DBNL: variants seen among roughly 807,000 people sequenced by gnomAD.
DBNL encodes the protein drebrin like.
Under a neutral mutation model 62.2 loss-of-function variants are expected in DBNL, and 35 were observed. The observed-to-expected ratio is 0.56, with a 90% CI of 0.43 to 0.75. DBNL has a LOEUF of 0.75. Among genes scored for constraint, DBNL ranks in the 30% least tolerant of loss-of-function variants. The pLI is 0.00. For synonymous variants in DBNL, 197 were observed against 218.0 expected (o/e 0.90, Z 0.85); for missense variants, 495 against 578.4 (o/e 0.86, Z 1.48).
In DBNL at chr7:44,064,872, G is replaced by A; in HGVS notation, c.*3956G>A. On this transcript the variant is annotated 3_prime_UTR_variant, in exon 13 of 13. Coordinates refer to ENST00000448521, the MANE Select transcript of DBNL (RefSeq NM_001014436.3). ...CAATGCCCCGCAGGCTGTTCCCGTG[G>A]GCTGCAATGAGCACTCGCTTGCCGG... 6.2e-7 allele frequency: 1 copy of A among 1,611,318 alleles called. No homozygotes were observed.
chr7:44,058,835 G>T (rs761420006), intron 8 of DBNL, 67 bp from the exon 9 acceptor site: 7 of 1,590,410 alleles, frequency 4.4e-6, no homozygotes, highest in African/African-American at 1.3e-5. Flanking sequence ...AGCTGGAGGG[G>T]CTGTGATCTG....
chr7:44,054,230 T>G (rs1342271324), intron 4 of DBNL, among the ~76,000 whole-genome samples: 1 of 152,158 alleles, frequency 6.6e-6, no homozygotes, highest in Non-Finnish European at 1.5e-5. Flanking sequence ...TCTCACTCTG[T>G]CACCCAGGCT....
At position 44,066,702 on chromosome 7, in the gene DBNL, T is replaced by A; in HGVS notation, c.*5786T>A. ...CCTGCTGGCCTACCTGGGGAGGGGCTCCTGGCTTGGGGCCTGTGAAGCTAA... is the reference window on the plus strand; with the variant it reads ...CCTGCTGGCCTACCTGGGGAGGGGCACCTGGCTTGGGGCCTGTGAAGCTAA... On this transcript the variant is annotated 3_prime_UTR_variant, in exon 13 of 13. Transcript: ENST00000448521. The A allele has an allele frequency of 6.6e-6, 1 of 152,638 alleles. No individual in the cohort carries two copies. Among genetic ancestry groups the A allele is most frequent in the Non-Finnish European group, 1.5e-5 (1 of 68,188 alleles). 9.5% of individuals were successfully genotyped at this position (152,638 alleles called of 1,614,324 possible). A position where few individuals can be genotyped will look rare whatever the true frequency, so the allele number is the denominator to read the frequency against.
At position 44,064,758 on chromosome 7, in the gene DBNL, G is replaced by T; in HGVS notation, c.*3842G>T. On this transcript the variant is annotated 3_prime_UTR_variant, in exon 13 of 13. Coordinates refer to ENST00000448521, the MANE Select transcript of DBNL (RefSeq NM_001014436.3). ...TAGAAAGCCTGGTCCATGGGCGAGA[G>T]ACTTTGCTGAGATGAGAAGCCAGCT... 2 of 1,328,918 alleles carry T rather than the reference G, an allele frequency of 1.5e-6. No homozygotes were observed. The highest frequency in any genetic ancestry group is 1.0e-6 in the Non-Finnish European group (1 of 956,246). The allele number at this position is 1,328,918 out of a possible 1,614,324, so 82.3% of individuals were successfully genotyped here.
At position 44,061,018 on chromosome 7, in the gene DBNL, C is replaced by G; in HGVS notation, c.*102C>G. The G allele has an allele frequency of 5.5e-6, 8 of 1,458,012 alleles. No homozygotes were observed. The highest frequency in any genetic ancestry group is 7.3e-6 in the Non-Finnish European group (8 of 1,095,516). 90.3% of individuals were successfully genotyped at this position (1,458,012 alleles called of 1,614,324 possible). On this transcript the variant is annotated 3_prime_UTR_variant, in exon 13 of 13. Transcript: ENST00000448521. The stretch of plus-strand genomic sequence containing the variant: ...ATTCAGCACTCTTCCAGGAATAGGA[C>G]CCCCAGTGAGGATGAGGCCTCAGGG...
Position 44,067,485 on chromosome 7 carries a change from G to A in DBNL, c.*6569G>A, listed in dbSNP as rs560215721. The A allele has an allele frequency of 3.9e-5, 6 of 152,348 alleles. No individual in the cohort carries two copies. The East Asian group carries it at 9.6e-4, about 24-fold the overall frequency. 9.4% of individuals were successfully genotyped at this position (152,348 alleles called of 1,614,324 possible). A position where few individuals can be genotyped will look rare whatever the true frequency, so the allele number is the denominator to read the frequency against. ...GGAGACCTCACTGCCAACCAAGCAG[G>A]AGGTGTCAAAAAGGAAAGGGGAGCC... On this transcript the variant is annotated 3_prime_UTR_variant, in exon 13 of 13. Transcript: ENST00000448521.
At position 44,064,916 on chromosome 7, in the gene DBNL, T is replaced by C. The variant is rs372452057; in HGVS notation, c.*4000T>C. The C allele has an allele frequency of 8.3e-5, 134 of 1,609,044 alleles. No individual in the cohort carries two copies. The Admixed American group carries it at 2.2e-3, about 27-fold the overall frequency. Reference sequence around the variant, plus strand: ...TTGCCGGCCTTGATCTGGGGAACAATCTCCTCGTTCCAGAAGGGCAGGGCC... The same window carrying C: ...TTGCCGGCCTTGATCTGGGGAACAACCTCCTCGTTCCAGAAGGGCAGGGCC... On this transcript the variant is annotated 3_prime_UTR_variant, in exon 13 of 13. Transcript: ENST00000448521.
Position 44,067,024 on chromosome 7 carries a change from A to T in DBNL, c.*6108A>T, listed in dbSNP as rs939895333. The T allele has an allele frequency of 3.3e-5, 5 of 152,520 alleles. No homozygotes were observed. Among genetic ancestry groups the T allele is most frequent in the Non-Finnish European group, 5.9e-5 (4 of 68,208 alleles). 9.4% of individuals were successfully genotyped at this position (152,520 alleles called of 1,614,324 possible). A position where few individuals can be genotyped will look rare whatever the true frequency, so the allele number is the denominator to read the frequency against. On this transcript the variant is annotated 3_prime_UTR_variant, in exon 13 of 13. Transcript: ENST00000448521. ...GGAGGGATCGTACCAGCAGCTAAAC[A>T]TGCCTACCGTAGATAGCACCAGATG... is the stretch of plus-strand genomic sequence containing the variant.
Position 44,062,324 on chromosome 7 carries a change from G to A in DBNL, c.*1408G>A, listed in dbSNP as rs1038787804. Reference sequence around the variant, plus strand: ...TGCCTGTCCCAACCCAAGAGGCAGGGCTCAAAGTGCCACCCGGGGGTTGCA... The same window carrying A: ...TGCCTGTCCCAACCCAAGAGGCAGGACTCAAAGTGCCACCCGGGGGTTGCA... On this transcript the variant is annotated 3_prime_UTR_variant, in exon 13 of 13. Coordinates refer to ENST00000448521, the MANE Select transcript of DBNL (RefSeq NM_001014436.3). 8.9e-6 allele frequency: 2 copies of A among 225,538 alleles called. No individual in the cohort carries two copies. The highest frequency in any genetic ancestry group is 1.0e-4 in the East Asian group (1 of 9,618). The allele number at this position is 225,538 out of a possible 1,614,324, so 14.0% of individuals were successfully genotyped here.
chr7:44,050,311 A>G, intron 2 of DBNL, 31 bp downstream of exon 2: 2 of 1,612,428 alleles, frequency 1.2e-6, no homozygotes, highest in Non-Finnish European at 1.7e-6. Context: ...ACTCAGGGAC[A>G]CCAGGAGGTA....
chr7:44,046,395 A>C (rs913916659), intron 1 of DBNL, among the ~76,000 whole-genome samples: 2 of 152,144 alleles, frequency 1.3e-5, no homozygotes, highest in Non-Finnish European at 2.9e-5. Context: ...GATGCCTCCC[A>C]GCCCACCTGG....
At chr7:44,049,967 T>C (rs1366786842) in intron 1 of DBNL, 1 of 447,294 alleles carries the variant, frequency 2.2e-6, no homozygotes, top group Non-Finnish European at 4.2e-6. Context: ...CCCATCTCCA[T>C]GGCTTTGTCC....
At position 44,059,114 on chromosome 7, in the gene DBNL, C is replaced by T; in HGVS notation, c.835+131C>T. The T allele has an allele frequency of 9.4e-7, 1 of 1,061,436 alleles. No individual in the cohort carries two copies. Among genetic ancestry groups the T allele is most frequent in the Non-Finnish European group, 1.4e-6 (1 of 729,316 alleles). 65.8% of individuals were successfully genotyped at this position (1,061,436 alleles called of 1,614,324 possible). On this transcript the variant is annotated intron_variant, in intron 9 of 12. Transcript: ENST00000448521. This position sits in a 1 kb window ranked among gnomAD's most constrained non-coding sequence, Gnocchi z 4.1. ...GGTGAGTGAGTGAGGAGAAGGGACACCTGGGGCCATTGACCTCATCAGTGA... is the reference window on the plus strand; with the variant it reads ...GGTGAGTGAGTGAGGAGAAGGGACATCTGGGGCCATTGACCTCATCAGTGA...
In DBNL at chr7:44,060,033, G is replaced by C; in HGVS notation, c.1048-15G>C. The C allele has an allele frequency of 6.2e-7, 1 of 1,610,490 alleles. No individual in the cohort carries two copies. The highest frequency in any genetic ancestry group is 8.5e-7 in the Non-Finnish European group (1 of 1,177,510). ...GGGCTGAGTCTGGGGTAACACCTTT[G>C]TCATCCCTGGGCAGGTGCAGCAGCA... On this transcript the variant is annotated splice_polypyrimidine_tract_variant and intron_variant, in intron 11 of 12. Transcript: ENST00000448521. This position sits in a 1 kb window ranked among gnomAD's most constrained non-coding sequence, Gnocchi z 6.3.
In DBNL at chr7:44,060,622, G is replaced by A. The variant is rs982594698; in HGVS notation, c.1154-155G>A. On this transcript the variant is annotated intron_variant, in intron 12 of 12. Coordinates refer to ENST00000448521, the MANE Select transcript of DBNL (RefSeq NM_001014436.3). The surrounding 1 kb of genome is among the most constrained non-coding windows in gnomAD (Gnocchi z 6.3). The stretch of plus-strand genomic sequence containing the variant: ...CCGCATTGGGACAGGGTGCAGTGTT[G>A]GCCAAGGCTTAGCAGGGTGGCAGGG... 3.3e-5 allele frequency among the ~76,000 whole-genome samples: 5 copies of A among 152,224 alleles called. No individual in the cohort carries two copies. Among genetic ancestry groups the A allele is most frequent in the African/African-American group, 1.2e-4 (5 of 41,540 alleles).
rs147270019 is a variant in DBNL at position 44,059,568 on chromosome 7, C to T, written c.957C>T (p.Pro319=). Residue 319 remains proline (P), a synonymous_variant, in exon 11 of 13, where the codon CCC becomes CCT. Coordinates refer to ENST00000448521, the MANE Select transcript of DBNL (RefSeq NM_001014436.3). The surrounding 1 kb of genome is among the most constrained non-coding windows in gnomAD (Gnocchi z 4.1). ...RADLPAEEPA[P]STPPCLVQAE... Reference sequence around the variant, plus strand: ...ATCTCCCTGCTGAGGAGCCGGCGCCCAGCACTCCTCCATGTCTGGTGCAGG... The same window carrying T: ...ATCTCCCTGCTGAGGAGCCGGCGCCTAGCACTCCTCCATGTCTGGTGCAGG... The T allele has an allele frequency of 9.2e-4, 1,484 of 1,612,614 alleles. 1 individual carries two copies. The highest frequency in any genetic ancestry group is 2.9e-3 in the Admixed American group (171 of 59,970).
rs981453990 is a variant in DBNL at position 44,066,161 on chromosome 7, C to T, written c.*5245C>T. On this transcript the variant is annotated 3_prime_UTR_variant, in exon 13 of 13. Coordinates refer to ENST00000448521, the MANE Select transcript of DBNL (RefSeq NM_001014436.3). The stretch of plus-strand genomic sequence containing the variant: ...AAAGGGGGAAAGGGCCCCTGTCTTT[C>T]CTCCGGGGTCCCTTTGTCAAGGTCT... 8.2e-5 allele frequency: 14 copies of T among 170,998 alleles called. No individual in the cohort carries two copies. Among genetic ancestry groups the T allele is most frequent in the Admixed American group, 6.5e-4 (12 of 18,546 alleles). 10.6% of individuals were successfully genotyped at this position (170,998 alleles called of 1,614,324 possible). A position where few individuals can be genotyped will look rare whatever the true frequency, so the allele number is the denominator to read the frequency against.
rs2096156837 is a variant in DBNL at position 44,065,046 on chromosome 7, A to G, written c.*4130A>G. 6.2e-7 allele frequency: 1 copy of G among 1,608,824 alleles called. No individual in the cohort carries two copies. Among genetic ancestry groups the G allele is most frequent in the South Asian group, 1.1e-5 (1 of 90,992 alleles). On this transcript the variant is annotated 3_prime_UTR_variant, in exon 13 of 13. Transcript: ENST00000448521. ...CACAGGCACGCTGCTTTCCCTCCCA[A>G]GCCAGTGGGCCCCCACCCGACTCCC...
intron 6 of DBNL, 27 bp from the exon 7 acceptor site, chr7:44,058,102 C>G (rs2096139880): frequency 6.4e-7 from 1 of 1,551,044 alleles, no homozygotes; most frequent in African/African-American, 1.4e-5. Flanking sequence ...CAGCATAGGG[C>G]TGAGCGGGCA....
Sources: allele counts gnomAD v4.1 joint callset (sites outside exome capture counted in the v4.1 genomes callset), GRCh38; gene constraint gnomAD v4.1.1; non-coding constraint Gnocchi (gnomAD v3.1); transcripts MANE v1.5; gene names NCBI Gene and HGNC (gene_info 2026-07-23, HGNC 2026-07-21).